Variants in MYO9A observed in about 807,000 individuals in gnomAD.
MYO9A encodes unconventional myosin-IXa.
A neutral mutation model predicts 293.3 loss-of-function variants in MYO9A; 103 were observed. That is an observed-to-expected ratio of 0.35 (90% CI 0.30 to 0.41). The LOEUF (loss-of-function observed/expected upper bound fraction) is 0.41, where lower values mean the gene tolerates loss of function less well. Among genes scored for constraint, MYO9A ranks in the 10% least tolerant of loss-of-function variants. The pLI is 1.00. For synonymous variants in MYO9A, 1,001 were observed against 1,035.7 expected (o/e 0.97, Z 0.64); for missense variants, 2,685 against 3,033.0 (o/e 0.89, Z 2.69).
chr15:72,031,151 G>T (rs1009862742), intron 3 of MYO9A, among the ~76,000 whole-genome samples: 5 of 152,190 alleles, frequency 3.3e-5, no homozygotes. Context: ...CCCCCAGTCT[G>T]TGGAAAAATT....
At chr15:71,906,758 C>CTTTCTT (rs765264146) in intron 19 of MYO9A, among the ~76,000 whole-genome samples, 11 of 61,032 alleles carry the variant, frequency 1.8e-4, no homozygotes, top group South Asian at 7.0e-4. Flanking sequence ...CCATTTCTTT[C>CTTTCTT]TTTTTTTTTT....
intron 33 of MYO9A, among the ~76,000 whole-genome samples, chr15:71,860,969 C>CAAA (rs61030744): frequency 3.5e-3 from 114 of 32,352 alleles, no homozygotes; most frequent in East Asian, 6.0e-3. Context: ...TCCATCTCAC[C>CAAA]AAAAAAAAAA....
chr15:71,920,899 G>A (rs530200661), intron 18 of MYO9A, among the ~76,000 whole-genome samples: 1 of 152,216 alleles, frequency 6.6e-6, no homozygotes, highest in African/African-American at 2.4e-5. Context: ...CAAAAATCGT[G>A]CCACTGCACT....
chr15:72,016,581 T>TAATAA (rs2077345949), intron 6 of MYO9A, among the ~76,000 whole-genome samples: 1 of 152,092 alleles, frequency 6.6e-6, no homozygotes, highest in African/African-American at 2.4e-5. Flanking sequence ...TTCTAATAAC[T>TAATAA]CACAGGGAAA....
chr15:71,897,825 G>C lies in MYO9A; in HGVS notation c.4678C>G (p.Leu1560Val). 3 of 1,614,084 alleles carry C rather than the reference G, an allele frequency of 1.9e-6. No homozygotes were observed. Among genetic ancestry groups the C allele is most frequent in the Middle Eastern group, 1.6e-4 (1 of 6,062 alleles). ...SKQRVERPSS[L>V]LSLNTSNKGE... ...TTATTTGAGGTATTTAAGCTGAGGA[G>C]AGAGGATGGCCTCTCTACTCTTTGC... The change falls in exon 25 of 42, where the codon CTC becomes GTC. Residue 1560 changes from leucine (L) to valine (V), a missense_variant. By Grantham distance (32) the Leu-to-Val change is conservative. Transcript: ENST00000356056.
At position 71,826,804 on chromosome 15, in the gene MYO9A, A is replaced by G. The variant is rs779495218; in HGVS notation, c.7423T>C (p.Leu2475=). The stretch of plus-strand genomic sequence containing the variant: ...TCTTCCAGGAATTTGGTCTGGCCCA[A>G]TGGTCCTTCCATTCCCAGGGCCTCA... ...GNEALGMEGP[L]GQTKFLEDKP... Residue 2475 remains leucine, a synonymous_variant, in exon 42 of 42, where the codon TTG becomes CTG. Coordinates refer to ENST00000356056, the MANE Select transcript of MYO9A (RefSeq NM_006901.4). 1.1e-5 allele frequency: 17 copies of G among 1,614,010 alleles called. No homozygotes were observed. Among genetic ancestry groups the G allele is most frequent in the East Asian group, 2.2e-5 (1 of 44,894 alleles).
chr15:72,026,584 T>A, intron 4 of MYO9A, among the ~76,000 whole-genome samples: 1 of 136,996 alleles, frequency 7.3e-6, no homozygotes, highest in African/African-American at 2.7e-5. Context: ...AGGAAGGAAA[T>A]AATAAGCATC....
intron 39 of MYO9A, chr15:71,847,542 GT>G: frequency 2.4e-6 from 1 of 408,648 alleles, no homozygotes; most frequent in Non-Finnish European, 5.2e-6. Flanking sequence ...AAAAGAGAAG[GT>G]TTAATCTTGC....
chr15:71,951,592 A>C (rs1015708392), intron 15 of MYO9A, 185 bp downstream of exon 15: 6 of 561,624 alleles, frequency 1.1e-5, no homozygotes, highest in African/African-American at 9.7e-5. Context: ...ACCAAAGTTA[A>C]AAAAGTATAT....
At chr15:71,958,096 ATCTTCTT>A (rs1029549616) in intron 14 of MYO9A, among the ~76,000 whole-genome samples, 13 of 152,252 alleles carry the variant, frequency 8.5e-5, no homozygotes, top group African/African-American at 3.1e-4. Flanking sequence ...TGCAGATTTC[ATCTTCTT>A]TCTTCTTTAG....
At chr15:72,033,217 G>A (rs1286351201) in intron 2 of MYO9A, among the ~76,000 whole-genome samples, 1 of 151,922 alleles carries the variant, frequency 6.6e-6, no homozygotes, top group Non-Finnish European at 1.5e-5. Context: ...ACATTCCAGA[G>A]CCCCCCTACA....
intron 15 of MYO9A, among the ~76,000 whole-genome samples, chr15:71,948,709 A>G (rs758657074): frequency 3.9e-5 from 6 of 152,178 alleles, no homozygotes; most frequent in Non-Finnish European, 8.8e-5. Context: ...AAGAATTTCT[A>G]TTATCATTTT....
At chr15:72,072,159 T>C (rs980586822) in intron 1 of MYO9A, among the ~76,000 whole-genome samples, 1 of 146,636 alleles carries the variant, frequency 6.8e-6, no homozygotes, top group Non-Finnish European at 1.5e-5. Flanking sequence ...GGAGACGGAG[T>C]CTTGCTCTGT....
At chr15:71,963,479 G>A (rs926204772) in intron 13 of MYO9A, among the ~76,000 whole-genome samples, 6 of 150,890 alleles carry the variant, frequency 4.0e-5, no homozygotes, top group Non-Finnish European at 5.9e-5. Context: ...ACAGAGTTTC[G>A]CTCTTGTTGC....
chr15:71,969,811 C>T (rs1436540028), intron 12 of MYO9A, among the ~76,000 whole-genome samples: 1 of 146,074 alleles, frequency 6.8e-6, no homozygotes, highest in Non-Finnish European at 1.5e-5. Context: ...CATTACCAGG[C>T]AAAAAAAAAA....
At chr15:72,005,911 T>C (rs2077002580) in intron 8 of MYO9A, among the ~76,000 whole-genome samples, 1 of 152,184 alleles carries the variant, frequency 6.6e-6, no homozygotes, top group South Asian at 2.1e-4. Flanking sequence ...ATTTGGAAGA[T>C]GAATAATATT....
intron 3 of MYO9A, among the ~76,000 whole-genome samples, chr15:72,032,253 T>C (rs2077895444): frequency 6.6e-6 from 1 of 152,258 alleles, no homozygotes; most frequent in African/African-American, 2.4e-5. Context: ...GCATAATATA[T>C]AGAAAGCAAA....
chr15:72,106,530 C>A lies in MYO9A; in HGVS notation c.-72+11150G>T, dbSNP rs1341469299. On this transcript the variant is annotated intron_variant, in intron 1 of 41. Coordinates refer to ENST00000356056, the MANE Select transcript of MYO9A (RefSeq NM_006901.4). The stretch of plus-strand genomic sequence containing the variant: ...AAAAACATTTAAGAAAATAAAAATC[C>A]TTTTTTTATATGGTTTCTCTTTCTG... Among the ~76,000 whole-genome samples, 5 of 152,042 alleles carry A rather than the reference C, an allele frequency of 3.3e-5. No individual in the cohort carries two copies. The East Asian group carries it at 5.8e-4, about 18-fold the overall frequency.
In MYO9A at chr15:71,965,667, G is replaced by C. The variant is rs146556964; in HGVS notation, c.1986+2317C>G. On this transcript the variant is annotated intron_variant, in intron 13 of 41. Transcript: ENST00000356056. ...AGGCAGAGAATCGCTTAAACCTGGA[G>C]GGCGGAGGTTGCAGTGAGTCGAGAT... Among the ~76,000 whole-genome samples the C allele has an allele frequency of 4.9e-3, 750 of 152,128 alleles. 29 individuals carry two copies. Among genetic ancestry groups the C allele is most frequent in the Admixed American group, 0.045 (693 of 15,290 alleles).
Sources: gnomAD v4.1 joint callset for allele counts (sites outside exome capture counted in the v4.1 genomes callset) on GRCh38, gnomAD v4.1.1 for gene constraint, MANE v1.5 for transcripts, NCBI Gene and HGNC (gene_info 2026-07-23, HGNC 2026-07-21) for gene names.